TENM1: variants seen among roughly 807,000 people sequenced by gnomAD.
TENM1 encodes teneurin-1.
In TENM1, 35 loss-of-function variants were observed where a neutral mutation model predicts 174.8. The ratio of observed to expected loss-of-function variants is 0.20; its 90% CI spans 0.15 to 0.27. The LOEUF is 0.27. Among genes scored for constraint, TENM1 ranks in the 10% least tolerant of loss-of-function variants. The probability of loss-of-function intolerance (pLI) is 1.00; values close to 1 mark genes in which losing one functional copy is unlikely to be tolerated. For synonymous variants in TENM1, 781 were observed against 798.7 expected (o/e 0.98, Z 0.37); for missense variants, 1,633 against 2,130.1 (o/e 0.77, Z 4.59).
chrX:124,501,897 T>A (rs779552449), intron 19 of TENM1, among the ~76,000 whole-genome samples: 2 of 111,777 alleles, frequency 1.8e-5, no homozygotes, highest in Non-Finnish European at 3.8e-5. Flanking sequence ...TCCCGGCAAG[T>A]GTGATGAGTT....
chrX:124,856,515 AG>A (rs1336029609), intron 3 of TENM1, among the ~76,000 whole-genome samples: 1 of 111,491 alleles, frequency 9.0e-6, no homozygotes, highest in Non-Finnish European at 1.9e-5. Flanking sequence ...TCCCAAGAGA[AG>A]GGAATAATAT....
chrX:124,525,997 G>C (rs750671839), intron 16 of TENM1, among the ~76,000 whole-genome samples: 1 of 111,745 alleles, frequency 8.9e-6, no homozygotes, highest in Non-Finnish European at 1.9e-5. Context: ...ATCTCCATGA[G>C]CAGATACTGA....
intron 17 of TENM1, among the ~76,000 whole-genome samples, chrX:124,522,209 G>T (rs2047866125): frequency 9.0e-6 from 1 of 111,134 alleles, no homozygotes; most frequent in Non-Finnish European, 1.9e-5. Flanking sequence ...TTTTCCTGAA[G>T]GGCAGTATTT....
chrX:124,567,670 A>C (rs1325861339), intron 11 of TENM1, among the ~76,000 whole-genome samples: 1 of 111,787 alleles, frequency 8.9e-6, no homozygotes, highest in African/African-American at 3.3e-5. Flanking sequence ...GTATCTTAAA[A>C]ACGTGGGCCT....
upstream of TENM1, among the ~76,000 whole-genome samples, chrX:124,966,836 C>A (rs1162916957): frequency 8.9e-6 from 1 of 111,764 alleles, no homozygotes; most frequent in Admixed American, 9.5e-5. Context: ...CTCTTCTATT[C>A]ATTGCTATAT....
chrX:124,658,457 G>A (rs550723146), intron 6 of TENM1, among the ~76,000 whole-genome samples: 12 of 111,424 alleles, frequency 1.1e-4, no homozygotes, highest in South Asian at 7.5e-4. Flanking sequence ...TAGTCAAAAC[G>A]TACAACTTTT....
intron 5 of TENM1, among the ~76,000 whole-genome samples, 156 bp from the exon 9 acceptor site, chrX:124,671,991 C>A (rs988844702): frequency 8.9e-6 from 1 of 112,258 alleles, no homozygotes; most frequent in Non-Finnish European, 1.9e-5. Flanking sequence ...CATGTAGCTA[C>A]TTACATGCTA....
chrX:125,133,443 C>T, the TENM1 span, among the ~76,000 whole-genome samples: 2 of 111,405 alleles, frequency 1.8e-5, no homozygotes, highest in African/African-American at 6.5e-5. Flanking sequence ...GTTTCCCCAT[C>T]ACCCCATCCC....
chrX:124,578,104 T>G (rs3830096), intron 11 of TENM1, among the ~76,000 whole-genome samples: 27,203 of 108,407 alleles, frequency 0.25, 2,737 homozygotes, highest in South Asian at 0.41. Flanking sequence ...TAAAAAAAAT[T>G]TTCTGTAGAG....
chrX:124,376,774 TTTTTGTTTTG>T (rs1041912391), exon 32 of TENM1: 7 of 111,396 alleles, frequency 6.3e-5, no homozygotes, highest in Non-Finnish European at 1.9e-5. Context: ...TTTTTTGTTT[TTTTTGTTTTG>T]TTTTGTTTTG....
chrX:124,840,134 C>A (rs894208533), intron 3 of TENM1, among the ~76,000 whole-genome samples: 1 of 111,650 alleles, frequency 9.0e-6, no homozygotes, highest in Non-Finnish European at 1.9e-5. Context: ...AAATATACTT[C>A]TTTTCTTAGA....
chrX:124,908,056 C>T (rs763542321), intron 1 of TENM1, among the ~76,000 whole-genome samples: 3 of 111,949 alleles, frequency 2.7e-5, no homozygotes, highest in Non-Finnish European at 3.8e-5. Context: ...AGCACGCATT[C>T]CCTAGTCCTG....
At chrX:124,448,381 G>A (rs1431140565) in intron 23 of TENM1, among the ~76,000 whole-genome samples, 1 of 111,347 alleles carries the variant, frequency 9.0e-6, no homozygotes, top group Non-Finnish European at 1.9e-5. Flanking sequence ...TGTCATACCT[G>A]GATTTCTTCA....
intron 22 of TENM1, among the ~76,000 whole-genome samples, chrX:124,471,146 A>AATAT (rs1473722466): frequency 1.2e-5 from 1 of 83,371 alleles, no homozygotes; most frequent in Admixed American, 1.7e-4. Flanking sequence ...AGTAATATAT[A>AATAT]ATATATATTA....
intron 15 of TENM1, 22 bp downstream of exon 18, chrX:124,546,852 A>G (rs768908838): frequency 8.9e-7 from 1 of 1,122,183 alleles, no homozygotes; most frequent in Non-Finnish European, 1.2e-6. Flanking sequence ...TTCACTAAGG[A>G]ATAAAATAAA....
chrX:124,917,013 C>T lies in TENM1; in HGVS notation c.218-20772G>A, dbSNP rs148801547. On this transcript the variant is annotated intron_variant, in intron 1 of 31. Coordinates refer to ENST00000422452, the Ensembl canonical transcript of TENM1. ...TCCTCCCTGTCCCCACTGATTAGTC[C>T]AGATATTGATATGGGAAATAAGCTA... Among the ~76,000 whole-genome samples, 174 of 111,917 alleles carry T rather than the reference C, an allele frequency of 1.6e-3. 2 individuals carry two copies. In the South Asian group the frequency reaches 0.049, roughly 31 times the overall value.
intron 19 of TENM1, among the ~76,000 whole-genome samples, chrX:124,502,072 G>A (rs1988205956): frequency 8.9e-6 from 1 of 111,944 alleles, no homozygotes; most frequent in Non-Finnish European, 1.9e-5. Context: ...AATCTTTTGG[G>A]GGTGATAAAA....
intron 11 of TENM1, among the ~76,000 whole-genome samples, chrX:124,631,257 A>T (rs978731033): frequency 3.6e-5 from 4 of 112,123 alleles, no homozygotes; most frequent in South Asian, 3.7e-4. Flanking sequence ...TATTTTTTTT[A>T]AAAAACTAAG....
At chrX:124,775,620 T>A (rs1308510545) in intron 3 of TENM1, among the ~76,000 whole-genome samples, 1 of 112,047 alleles carries the variant, frequency 8.9e-6, no homozygotes, top group Non-Finnish European at 1.9e-5. Context: ...CTTTGGACAT[T>A]ATCATCGTGA....
Sources: gnomAD v4.1 joint callset for allele counts (sites outside exome capture counted in the v4.1 genomes callset) on GRCh38, gnomAD v4.1.1 for gene constraint, MANE v1.5 for transcripts, NCBI Gene and HGNC (gene_info 2026-07-23, HGNC 2026-07-21) for gene names.